ARHGAP32: variants seen among roughly 807,000 people sequenced by gnomAD.
ARHGAP32 encodes rho GTPase-activating protein 32.
ARHGAP32 carries 51 observed loss-of-function variants against 186.5 expected under a neutral mutation model. The ratio of observed to expected loss-of-function variants is 0.27; its 90% CI spans 0.22 to 0.35. The LOEUF (loss-of-function observed/expected upper bound fraction) is 0.35, where lower values mean the gene tolerates loss of function less well. Among genes scored for constraint, ARHGAP32 ranks in the 10% least tolerant of loss-of-function variants. ARHGAP32 has a pLI of 1.00. For synonymous variants in ARHGAP32, 950 were observed against 964.3 expected (o/e 0.99, Z 0.27); for missense variants, 2,186 against 2,623.5 (o/e 0.83, Z 3.64).
intron 15 of ARHGAP32, among the ~76,000 whole-genome samples, chr11:128,985,500 C>G (rs2136118058): frequency 6.7e-6 from 1 of 149,926 alleles, no homozygotes; most frequent in Non-Finnish European, 1.5e-5. Context: ...TTGTCTTTTT[C>G]TAACTGGCAA....
intron 7 of ARHGAP32, 21 bp downstream of exon 7, chr11:129,066,710 C>T (rs764749924): frequency 2.5e-6 from 4 of 1,608,442 alleles, no homozygotes; most frequent in Non-Finnish European, 3.4e-6. Context: ...TACCTCTGTA[C>T]TAAATGTACT....
chr11:128,984,991 T>C (rs1945819611), intron 15 of ARHGAP32, among the ~76,000 whole-genome samples: 1 of 152,116 alleles, frequency 6.6e-6, no homozygotes, highest in Admixed American at 6.6e-5. Context: ...TTTATGATGG[T>C]GCAAAGGTGA....
intron 2 of ARHGAP32, among the ~76,000 whole-genome samples, chr11:129,155,944 G>A (rs1320145768): frequency 6.6e-6 from 1 of 152,216 alleles, no homozygotes; most frequent in East Asian, 1.9e-4. Context: ...GCAGAGTGGG[G>A]CGTTGCCTCA....
chr11:129,100,247 C>A (rs1240464667), intron 5 of ARHGAP32, among the ~76,000 whole-genome samples: 2 of 152,198 alleles, frequency 1.3e-5, no homozygotes, highest in African/African-American at 4.8e-5. Flanking sequence ...AACTGCTAGA[C>A]CTGATCTCTG....
chr11:129,096,260 G>A (rs1941725148), intron 5 of ARHGAP32, among the ~76,000 whole-genome samples: 1 of 152,146 alleles, frequency 6.6e-6, no homozygotes, highest in Non-Finnish European at 1.5e-5. Flanking sequence ...ATATAATTGA[G>A]ATTCTAAAAT....
At chr11:129,264,467 T>C (rs934172332) in intron 1 of ARHGAP32, among the ~76,000 whole-genome samples, 3 of 152,146 alleles carry the variant, frequency 2.0e-5, no homozygotes, top group African/African-American at 7.2e-5. Flanking sequence ...AATCAGATAA[T>C]ACATGTAAGG....
intron 1 of ARHGAP32, among the ~76,000 whole-genome samples, chr11:129,202,175 T>C (rs1481442488): frequency 6.6e-6 from 1 of 152,116 alleles, no homozygotes; most frequent in Non-Finnish European, 1.5e-5. Flanking sequence ...ATAACAAAGA[T>C]AATGCAGATG....
chr11:129,193,682 ATATATAT>A (rs1480107239), upstream of ARHGAP32, among the ~76,000 whole-genome samples: 47 of 69,750 alleles, frequency 6.7e-4, no homozygotes, highest in Admixed American at 1.1e-3. Context: ...ATAATATATA[ATATATAT>A]TATATAATAT....
chr11:129,168,997 G>C (rs539491339), intron 1 of ARHGAP32, among the ~76,000 whole-genome samples: 406 of 152,156 alleles, frequency 2.7e-3, no homozygotes, highest in African/African-American at 9.3e-3. Flanking sequence ...AAAATGTGTG[G>C]GATACAACTA....
At chr11:129,148,688 G>A (rs1943223090) in intron 2 of ARHGAP32, among the ~76,000 whole-genome samples, 1 of 152,184 alleles carries the variant, frequency 6.6e-6, no homozygotes, top group South Asian at 2.1e-4. Flanking sequence ...AGACAGGGAG[G>A]GGCAAGGTGG....
chr11:129,165,608 A>T (rs1425993544), intron 1 of ARHGAP32, among the ~76,000 whole-genome samples: 3 of 150,348 alleles, frequency 2.0e-5, no homozygotes, highest in Non-Finnish European at 4.4e-5. Context: ...GAACTAGTGA[A>T]AATTGAGAAA....
At chr11:128,977,199 G>A (rs1945571358) in intron 19 of ARHGAP32, among the ~76,000 whole-genome samples, 1 of 152,090 alleles carries the variant, frequency 6.6e-6, no homozygotes, top group Admixed American at 6.6e-5. Flanking sequence ...AGAACCATGA[G>A]GGAAAAAAAT....
chr11:129,034,405 T>C (rs1327060888), intron 11 of ARHGAP32, among the ~76,000 whole-genome samples: 1 of 152,180 alleles, frequency 6.6e-6, no homozygotes, highest in East Asian at 1.9e-4. Flanking sequence ...TAGTCTTTTA[T>C]TTCCAGAAGT....
intron 1 of ARHGAP32, chr11:129,202,848 T>C (rs1389447277): frequency 6.6e-6 from 1 of 152,048 alleles, no homozygotes; most frequent in African/African-American, 2.4e-5. Flanking sequence ...CAGAAATACT[T>C]TGTTCTAACA....
At chr11:129,135,539 TG>T (rs1432812252) in intron 2 of ARHGAP32, among the ~76,000 whole-genome samples, 1 of 151,946 alleles carries the variant, frequency 6.6e-6, no homozygotes, top group Non-Finnish European at 1.5e-5. Context: ...AGGCCAAGGC[TG>T]GCGGATCAGA....
At chr11:129,177,951 G>A (rs1943957717) in intron 1 of ARHGAP32, among the ~76,000 whole-genome samples, 3 of 152,028 alleles carry the variant, frequency 2.0e-5, no homozygotes, top group Admixed American at 1.3e-4. Context: ...GGGCAATTAG[G>A]CAGGAGAAGG....
chr11:129,254,258 A>G (rs1243942142), intron 1 of ARHGAP32, among the ~76,000 whole-genome samples: 3 of 152,066 alleles, frequency 2.0e-5, no homozygotes, highest in African/African-American at 7.2e-5. Flanking sequence ...CCCCAAAGTT[A>G]GTATAGGGAT....
intron 12 of ARHGAP32, among the ~76,000 whole-genome samples, chr11:128,991,272 TAGA>T (rs1946041560): frequency 6.6e-6 from 1 of 152,158 alleles, no homozygotes; most frequent in South Asian, 2.1e-4. Flanking sequence ...GTTCCCTGAG[TAGA>T]AGGACTGAAT....
chr11:129,158,713 A>C (rs1943466359), intron 2 of ARHGAP32, among the ~76,000 whole-genome samples: 1 of 152,164 alleles, frequency 6.6e-6, no homozygotes, highest in South Asian at 2.1e-4. Context: ...AAACAGACCT[A>C]ATAGACATTT....
Sources: allele counts gnomAD v4.1 joint callset (sites outside exome capture counted in the v4.1 genomes callset), GRCh38; gene constraint gnomAD v4.1.1; transcripts MANE v1.5; gene names NCBI Gene and HGNC (gene_info 2026-07-23, HGNC 2026-07-21).